Variants in SPSB4 observed in about 807,000 individuals in gnomAD.
The protein encoded by SPSB4 is splA/ryanodine receptor domain and SOCS box containing 4.
A neutral mutation model predicts 20.9 loss-of-function variants in SPSB4; 21 were observed. That is an observed-to-expected ratio of 1.01 (90% CI 0.71 to 1.45). The LOEUF is 1.45. SPSB4 is among the 40% of genes most tolerant of loss of function. SPSB4 has a pLI of 0.00. For synonymous variants in SPSB4, 207 were observed against 183.8 expected, an observed-to-expected ratio of 1.13 and a Z score of -1.02; for missense variants, 399 against 399.2, an observed-to-expected ratio of 1.00 and a Z score of 0.00.
At chr3:141,133,317 C>A (rs1441766420) in intron 2 of SPSB4, among the ~76,000 whole-genome samples, 1 of 152,080 alleles carries the variant, frequency 6.6e-6, no homozygotes, top group Non-Finnish European at 1.5e-5. Flanking sequence ...ATCTACTTAT[C>A]TTTGTTTTTA....
intron 2 of SPSB4, among the ~76,000 whole-genome samples, chr3:141,144,537 G>A (rs1055401730): frequency 3.0e-4 from 45 of 152,318 alleles, no homozygotes; most frequent in African/African-American, 8.9e-4. Flanking sequence ...GGCACTCTCC[G>A]AGCTCTTAAA....
chr3:141,122,141 G>A (rs1576538497), intron 2 of SPSB4, among the ~76,000 whole-genome samples: 2 of 151,988 alleles, frequency 1.3e-5, no homozygotes, highest in Non-Finnish European at 2.9e-5. Flanking sequence ...TATTCCTTTC[G>A]GTTTGTTAGT....
chr3:141,079,194 G>C (rs540477112), intron 2 of SPSB4, among the ~76,000 whole-genome samples: 2 of 151,786 alleles, frequency 1.3e-5, no homozygotes, highest in African/African-American at 4.8e-5. Context: ...CCGGCAGGTG[G>C]AGGTTGTAGT....
chr3:141,086,921 G>A (rs1183285517), intron 2 of SPSB4, among the ~76,000 whole-genome samples: 2 of 152,224 alleles, frequency 1.3e-5, no homozygotes. Context: ...GAAGCTGAGA[G>A]TTGATCTCCT....
At chr3:141,118,984 G>A (rs890529800) in intron 2 of SPSB4, among the ~76,000 whole-genome samples, 11 of 152,086 alleles carry the variant, frequency 7.2e-5, no homozygotes, top group African/African-American at 2.7e-4. Flanking sequence ...CTCTTTTTTG[G>A]TTCCATATGA....
intron 2 of SPSB4, among the ~76,000 whole-genome samples, chr3:141,128,801 AAG>A (rs1939090777): frequency 6.6e-6 from 1 of 152,128 alleles, no homozygotes; most frequent in Non-Finnish European, 1.5e-5. Context: ...AGCTTCTAGA[AAG>A]AGGTTCTACT....
At chr3:141,078,385 T>A (rs1576521490) in intron 2 of SPSB4, among the ~76,000 whole-genome samples, 1 of 152,176 alleles carries the variant, frequency 6.6e-6, no homozygotes, top group East Asian at 1.9e-4. Flanking sequence ...CTGGAATGCC[T>A]GGCTGGAAGG....
At chr3:141,117,696 C>CTT (rs1938899553) in intron 2 of SPSB4, among the ~76,000 whole-genome samples, 1 of 152,182 alleles carries the variant, frequency 6.6e-6, no homozygotes, top group African/African-American at 2.4e-5. Flanking sequence ...ATGTTCCCTG[C>CTT]CCTGTGTCCA....
chr3:141,116,963 G>C (rs1316433221), intron 2 of SPSB4: 1 of 152,180 alleles, frequency 6.6e-6, no homozygotes, highest in African/African-American at 2.4e-5. Context: ...AGCTGGCTCT[G>C]AGCCCCAGAT....
intron 2 of SPSB4, among the ~76,000 whole-genome samples, chr3:141,134,056 C>CTTTTTTTTTTTTTTTTTTTTT (rs1222303281): frequency 4.2e-4 from 26 of 61,622 alleles, no homozygotes; most frequent in Non-Finnish European, 5.2e-4. Context: ...TTTCTTTTTT[C>CTTTTTTTTTTTTTTTTTTTTT]TTTTTTTTTT....
chr3:141,120,669 C>T (rs1257320091), intron 2 of SPSB4, among the ~76,000 whole-genome samples: 1 of 152,182 alleles, frequency 6.6e-6, no homozygotes, highest in African/African-American at 2.4e-5. Context: ...TATGTAATGG[C>T]CTTCTTTGTC....
chr3:141,055,076 C>A (rs1043884231), intron 1 of SPSB4, among the ~76,000 whole-genome samples: 1 of 152,102 alleles, frequency 6.6e-6, no homozygotes, highest in Non-Finnish European at 1.5e-5. Flanking sequence ...AGGCTGTGTA[C>A]GAGTATTGGA....
At chr3:141,113,333 T>G (rs1300307897) in intron 2 of SPSB4, among the ~76,000 whole-genome samples, 2 of 152,196 alleles carry the variant, frequency 1.3e-5, no homozygotes, top group Non-Finnish European at 2.9e-5. Flanking sequence ...AACAAATACT[T>G]ATGCATGAAT....
chr3:141,139,757 C>G (rs2107807630), intron 2 of SPSB4, among the ~76,000 whole-genome samples: 1 of 152,370 alleles, frequency 6.6e-6, no homozygotes, highest in East Asian at 1.9e-4. Flanking sequence ...TTCACTCAGG[C>G]TGCCCTTAAC....
intron 2 of SPSB4, among the ~76,000 whole-genome samples, chr3:141,119,743 G>A (rs1189663729): frequency 6.6e-6 from 1 of 152,074 alleles, no homozygotes; most frequent in Non-Finnish European, 1.5e-5. Context: ...TATTTCTGTG[G>A]GATCAGTGGT....
At chr3:141,114,280 C>T (rs1938851095) in intron 2 of SPSB4, among the ~76,000 whole-genome samples, 1 of 152,168 alleles carries the variant, frequency 6.6e-6, no homozygotes, top group Non-Finnish European at 1.5e-5. Flanking sequence ...CTTCATTCCC[C>T]ATGACCCCAG....
At chr3:141,138,250 G>A (rs1939261686) in intron 2 of SPSB4, among the ~76,000 whole-genome samples, 1 of 152,042 alleles carries the variant, frequency 6.6e-6, no homozygotes, top group Admixed American at 6.6e-5. Flanking sequence ...TCTTGCTAGT[G>A]GTCTATCAAC....
chr3:141,069,773 T>C (rs1447929136), intron 2 of SPSB4, among the ~76,000 whole-genome samples: 1 of 152,186 alleles, frequency 6.6e-6, no homozygotes, highest in Non-Finnish European at 1.5e-5. Flanking sequence ...GGTGCCCCTG[T>C]GTTGATTAAC....
chr3:141,071,295 C>T (rs1200016564), intron 2 of SPSB4, among the ~76,000 whole-genome samples: 3 of 152,132 alleles, frequency 2.0e-5, no homozygotes, highest in South Asian at 2.1e-4. Flanking sequence ...GCTGACAGAA[C>T]GGCTTTGTCT....
Sources: gnomAD v4.1 joint callset for allele counts (sites outside exome capture counted in the v4.1 genomes callset) on GRCh38, gnomAD v4.1.1 for gene constraint, MANE v1.5 for transcripts, NCBI Gene and HGNC (gene_info 2026-07-23, HGNC 2026-07-21) for gene names.